The following HEPACAM variants were observed in gnomAD, a reference collection of about 807,000 sequenced individuals.
HEPACAM encodes hepatic and glial cell adhesion molecule.
Under a neutral mutation model 38.3 loss-of-function variants are expected in HEPACAM, and 18 were observed. That is an observed-to-expected ratio of 0.47 (90% CI 0.33 to 0.70). The LOEUF (loss-of-function observed/expected upper bound fraction) is 0.70, where lower values mean the gene tolerates loss of function less well. HEPACAM is among the 30% of genes least tolerant of loss of function. The pLI, the probability that HEPACAM is intolerant of heterozygous loss-of-function variation, is 0.03. For synonymous variants in HEPACAM, 216 were observed against 243.1 expected (o/e 0.89, Z 1.04); for missense variants, 466 against 563.0 (o/e 0.83, Z 1.74).
At chr11:124,935,773 T>C in intron 1 of HEPACAM, 149 bp downstream of exon 1, 2 of 724,120 alleles carry the variant, frequency 2.8e-6, no homozygotes, top group Middle Eastern at 2.8e-4. Context: ...TCAACGCTAA[T>C]GCCTGAATTC....
intron 4 of HEPACAM, among the ~76,000 whole-genome samples, chr11:124,923,043 G>T (rs1947160880): frequency 6.6e-6 from 1 of 152,166 alleles, no homozygotes; most frequent in Admixed American, 6.5e-5. Flanking sequence ...CCGAGTCTCA[G>T]TGTCATTATC....
Position 124,919,818 on chromosome 11 carries a change from T to G in HEPACAM, c.*1320A>C, listed in dbSNP as rs753356212. 2 of 1,614,110 alleles carry G rather than the reference T, an allele frequency of 1.2e-6. No homozygotes were observed. The highest frequency in any genetic ancestry group is 1.7e-6 in the Non-Finnish European group (2 of 1,180,016). On this transcript the variant is annotated 3_prime_UTR_variant, in exon 7 of 7. Coordinates refer to ENST00000298251, the MANE Select transcript of HEPACAM (RefSeq NM_152722.5). ...GAATCAGAGCTGGAGTTTAGGAGAC[T>G]AGGGATGCAAGGACCCTTGGAGGCA...
intron 1 of HEPACAM, among the ~76,000 whole-genome samples, chr11:124,932,895 G>T (rs1469977232): frequency 1.3e-5 from 2 of 152,142 alleles, no homozygotes; most frequent in African/African-American, 2.4e-5. Context: ...CATTGGCTTG[G>T]TCCCTGAAAA....
intron 1 of HEPACAM, among the ~76,000 whole-genome samples, chr11:124,926,199 C>A (rs1265716757): frequency 3.9e-5 from 6 of 151,962 alleles, no homozygotes; most frequent in Non-Finnish European, 8.8e-5. Context: ...AAGACTCCAT[C>A]TCAAAAAAAT....
At position 124,923,337 on chromosome 11, in the gene HEPACAM, G is replaced by T; in HGVS notation, c.803+3C>A. On this transcript the variant is annotated splice_donor_region_variant and intron_variant, in intron 4 of 6. Transcript: ENST00000298251. ...CTCAGGTGCTCAGGAGAGTTACCCA[G>T]ACCTTTTGGAGGGTTTCCAGCAGGC... 1 of 1,602,670 alleles carries T rather than the reference G, an allele frequency of 6.2e-7. No individual in the cohort carries two copies.
At chr11:124,923,294 T>C (rs1301282836) in intron 4 of HEPACAM, 46 bp downstream of exon 4, 1 of 1,223,946 alleles carries the variant, frequency 8.2e-7, no homozygotes, top group African/African-American at 1.5e-5. Context: ...GGGCTTAGGT[T>C]TGGGATGGAT....
rs750817820 is a variant in HEPACAM, at chr11:124,922,808, T to G, written c.814A>C (p.Lys272Gln). 6 of 1,614,130 alleles carry G rather than the reference T, an allele frequency of 3.7e-6. No homozygotes were observed. In the Middle Eastern group the frequency reaches 4.9e-4, roughly 133 times the overall value. ...TCCAGGGAGTTTTGCTTTTCTAGCT[T>G]CTTCTGTTTCCTGTGAATCAATTCA... Reference protein sequence around the residue: ...CWKPSKRKQKKLEKQNSLEYM... With the variant: ...CWKPSKRKQKQLEKQNSLEYM... Residue 272 changes from lysine (K) to glutamine (Q), a missense_variant, in exon 5 of 7, where the codon AAG (lysine) becomes CAG (glutamine). Transcript: ENST00000298251.
intron 1 of HEPACAM, among the ~76,000 whole-genome samples, chr11:124,931,808 C>T (rs781436176): frequency 3.9e-5 from 6 of 152,150 alleles, no homozygotes; most frequent in East Asian, 1.9e-4. Context: ...CATAAAGCCC[C>T]GATGGGGCTA....
At chr11:124,927,523 G>GTTT (rs1019070666) in intron 1 of HEPACAM, among the ~76,000 whole-genome samples, 3 of 97,582 alleles carry the variant, frequency 3.1e-5, no homozygotes, top group Admixed American at 1.2e-4. Flanking sequence ...TTTTTTTTTT[G>GTTT]TTTTTTTTTT....
At chr11:124,935,818 C>T (rs1189322174) in intron 1 of HEPACAM, 104 bp downstream of exon 1, 11 of 904,514 alleles carry the variant, frequency 1.2e-5, no homozygotes, top group Non-Finnish European at 2.0e-5. Flanking sequence ...GAACTCTCCC[C>T]CACTCCTGCC....
At chr11:124,922,157 C>T (rs1042068391) in intron 6 of HEPACAM, among the ~76,000 whole-genome samples, 2 of 152,158 alleles carry the variant, frequency 1.3e-5, no homozygotes, top group Non-Finnish European at 2.9e-5. Flanking sequence ...CTAGGTTGCA[C>T]GCTCTTTAAG....
chr11:124,928,273 A>G (rs1591551565), intron 1 of HEPACAM, among the ~76,000 whole-genome samples: 3 of 152,160 alleles, frequency 2.0e-5, no homozygotes, highest in Non-Finnish European at 2.9e-5. Context: ...TGTGATTATC[A>G]ACTGCTAGGT....
Position 124,921,203 on chromosome 11 carries a change from G to T in HEPACAM, c.1186C>A (p.Arg396=). 3 of 1,511,084 alleles carry T rather than the reference G, an allele frequency of 2.0e-6. No homozygotes were observed. Among genetic ancestry groups the T allele is most frequent in the Non-Finnish European group, 2.6e-6 (3 of 1,136,730 alleles). The allele number at this position is 1,511,084 out of a possible 1,614,324, so 93.6% of individuals were successfully genotyped here. ...CGGATTATGTGCACGCCCGCAGTCC[G>T]CAGTGTGCGCGAGGCGCTGCGCGAG... ...GRSRSASRTL[R]TAGVHIIREQ... Residue 396 remains arginine (R), a synonymous_variant, in exon 7 of 7, where the codon CGG becomes AGG. Coordinates refer to ENST00000298251, the MANE Select transcript of HEPACAM (RefSeq NM_152722.5). This position sits in a 1 kb window ranked among gnomAD's most constrained non-coding sequence, Gnocchi z 4.6.
intron 6 of HEPACAM, 152 bp downstream of exon 6, chr11:124,922,236 G>C: frequency 2.4e-6 from 2 of 825,066 alleles, no homozygotes; most frequent in East Asian, 4.9e-5. Context: ...ACCATCCATG[G>C]AAAAATTTTC....
At chr11:124,930,466 T>C (rs1449075618) in intron 1 of HEPACAM, among the ~76,000 whole-genome samples, 1 of 152,186 alleles carries the variant, frequency 6.6e-6, no homozygotes, top group Non-Finnish European at 1.5e-5. Context: ...AAGGAGCTGG[T>C]AGCTTTTTAT....
At position 124,923,396 on chromosome 11, in the gene HEPACAM, G is replaced by A; in HGVS notation, c.747C>T (p.Gly249=). The A allele has an allele frequency of 6.2e-7, 1 of 1,613,332 alleles. No individual in the cohort carries two copies. Among genetic ancestry groups the A allele is most frequent in the South Asian group, 1.1e-5 (1 of 91,066 alleles). The change falls in exon 4 of 7, where the codon GGC becomes GGT. Residue 249 remains glycine, a synonymous_variant. Transcript: ENST00000298251. Reference sequence around the variant, plus strand: ...TCACCAAGGTCACAAGGAGGAAGATGCCTCCTGTAGACAAGATGATGTAAA... The same window carrying A: ...TCACCAAGGTCACAAGGAGGAAGATACCTCCTGTAGACAAGATGATGTAAA... ...SSLYIILSTG[G]IFLLVTLVTV...
At chr11:124,923,631 TC>T in intron 3 of HEPACAM, 97 bp downstream of exon 3, 3 of 1,471,422 alleles carry the variant, frequency 2.0e-6, no homozygotes, top group Non-Finnish European at 2.8e-6. Context: ...TCTGTTCCCC[TC>T]CCCCCAGTGA....
chr11:124,925,173 G>T, intron 1 of HEPACAM, 104 bp from the exon 2 acceptor site: 5 of 848,742 alleles, frequency 5.9e-6, no homozygotes, highest in South Asian at 1.9e-5. Flanking sequence ...CGCCTCTCTG[G>T]CTCTTCACTC....
In HEPACAM at chr11:124,921,577, C is replaced by T; in HGVS notation, c.949-137G>A. On this transcript the variant is annotated intron_variant, in intron 6 of 6. Coordinates refer to ENST00000298251, the MANE Select transcript of HEPACAM (RefSeq NM_152722.5). The surrounding 1 kb of genome is among the most constrained non-coding windows in gnomAD (Gnocchi z 4.6). ...CGCCCACCTCCTGGAAGGCTGCAGA[C>T]AGGTCTGGTTTTCCTGGCGATATTC... 1 of 481,488 alleles carries T rather than the reference C, an allele frequency of 2.1e-6. No individual in the cohort carries two copies. The allele number at this position is 481,488 out of a possible 1,614,324, so 29.8% of individuals were successfully genotyped here. A position where few individuals can be genotyped will look rare whatever the true frequency, so the allele number is the denominator to read the frequency against.
Sources: allele counts gnomAD v4.1 joint callset (sites outside exome capture counted in the v4.1 genomes callset), GRCh38; gene constraint gnomAD v4.1.1; non-coding constraint Gnocchi (gnomAD v3.1); transcripts MANE v1.5; gene names NCBI Gene and HGNC (gene_info 2026-07-23, HGNC 2026-07-21).